The following NPAS2 variants were observed in gnomAD, a reference collection of about 807,000 sequenced individuals.
The protein encoded by NPAS2 is neuronal PAS domain-containing protein 2.
In NPAS2, 23 loss-of-function variants were observed where a neutral mutation model predicts 107.5. The observed-to-expected ratio is 0.21, with a 90% CI of 0.15 to 0.30. The LOEUF is 0.30. Ranked by LOEUF, NPAS2 falls within the 10% of genes least tolerant of loss-of-function variation. NPAS2 has a pLI of 1.00. For missense variants in NPAS2, 756 were observed against 1,043.3 expected (o/e 0.72, Z 3.79); for synonymous variants, 403 against 417.5 (o/e 0.97, Z 0.42).
intron 12 of NPAS2, among the ~76,000 whole-genome samples, chr2:100,973,440 A>C (rs1026009426): frequency 1.3e-5 from 2 of 152,212 alleles, no homozygotes; most frequent in African/African-American, 4.8e-5. Flanking sequence ...CATAATTCAC[A>C]AACAGCCGTG....
intron 1 of NPAS2, among the ~76,000 whole-genome samples, chr2:100,895,361 T>A (rs913016406): frequency 6.6e-6 from 1 of 152,220 alleles, no homozygotes; most frequent in African/African-American, 2.4e-5. Flanking sequence ...GCTCTTCTGT[T>A]CTCTCACTTT....
At chr2:100,892,650 G>A (rs1443862879) in intron 1 of NPAS2, among the ~76,000 whole-genome samples, 2 of 152,170 alleles carry the variant, frequency 1.3e-5, no homozygotes, top group Non-Finnish European at 2.9e-5. Context: ...AGTTGGAGGG[G>A]AATTGGGATT....
At chr2:100,943,107 C>T (rs1052180613) in intron 5 of NPAS2, among the ~76,000 whole-genome samples, 4 of 151,872 alleles carry the variant, frequency 2.6e-5, no homozygotes, top group Non-Finnish European at 5.9e-5. Context: ...GTTCTGCCTC[C>T]ACCTTTACTA....
At chr2:100,959,781 A>G (rs1412088502) in intron 7 of NPAS2, among the ~76,000 whole-genome samples, 1 of 152,184 alleles carries the variant, frequency 6.6e-6, no homozygotes, top group African/African-American at 2.4e-5. Flanking sequence ...GTGGACTATT[A>G]GTATGTTTTC....
intron 1 of NPAS2, among the ~76,000 whole-genome samples, chr2:100,833,172 C>T (rs184549044): frequency 1.5e-3 from 230 of 152,232 alleles, no homozygotes; most frequent in South Asian, 4.6e-3. Flanking sequence ...AATGGTGTAA[C>T]GAGGACAGCG....
At chr2:100,941,737 A>G (rs753557696) in intron 5 of NPAS2, among the ~76,000 whole-genome samples, 2 of 152,160 alleles carry the variant, frequency 1.3e-5, no homozygotes, top group African/African-American at 2.4e-5. Flanking sequence ...TCCAAGGGGC[A>G]TGAGTCACGT....
intron 1 of NPAS2, among the ~76,000 whole-genome samples, chr2:100,880,081 G>A (rs551373583): frequency 1.3e-4 from 20 of 152,362 alleles, no homozygotes; most frequent in Non-Finnish European, 2.8e-4. Flanking sequence ...TCCCTCGGAT[G>A]GCTTTAATTT....
At chr2:100,962,854 G>C (rs1349885744) in intron 7 of NPAS2, 3 of 152,246 alleles carry the variant, frequency 2.0e-5, no homozygotes, top group Admixed American at 2.0e-4. Context: ...GCATCATGAT[G>C]TGGGCCCATG....
intron 3 of NPAS2, among the ~76,000 whole-genome samples, chr2:100,932,338 A>T (rs1684010980): frequency 6.6e-6 from 1 of 152,246 alleles, no homozygotes. Flanking sequence ...TAAACTATAG[A>T]TTAACCCCAA....
At chr2:100,852,762 G>A (rs1164013427) in intron 1 of NPAS2, among the ~76,000 whole-genome samples, 1 of 152,164 alleles carries the variant, frequency 6.6e-6, no homozygotes, top group Non-Finnish European at 1.5e-5. Flanking sequence ...AGCTACAGGA[G>A]AAAAATGAGC....
chr2:100,875,437 TAAAA>T lies in NPAS2; in HGVS notation c.-22-29295_-22-29292del, dbSNP rs1679894424. On this transcript the variant is annotated intron_variant, in intron 1 of 20. Transcript: ENST00000335681. ...TGTATTTTACCACAATTTTTAAAAA[TAAAA>T]TTTTTAAAAATTAAAAGCTTACACA... Among the ~76,000 whole-genome samples, 3 of 148,666 alleles carry T rather than the reference TAAAA, an allele frequency of 2.0e-5. No individual in the cohort carries two copies. The Admixed American group carries it at 2.0e-4, about 10-fold the overall frequency.
intron 18 of NPAS2, among the ~76,000 whole-genome samples, 166 bp from the exon 19 acceptor site, chr2:100,990,614 G>A (rs1678054619): frequency 3.3e-5 from 5 of 152,226 alleles, no homozygotes. Context: ...CTGAGGTCCA[G>A]GGGAGGTTAC....
At chr2:100,926,185 G>A (rs372928724) in intron 3 of NPAS2, among the ~76,000 whole-genome samples, 9 of 152,074 alleles carry the variant, frequency 5.9e-5, no homozygotes, top group East Asian at 1.9e-4. Flanking sequence ...ATCAGTTGAT[G>A]GATATTTGGG....
intron 19 of NPAS2, among the ~76,000 whole-genome samples, chr2:100,992,827 T>A (rs1210819431): frequency 1.3e-5 from 2 of 152,166 alleles, no homozygotes; most frequent in East Asian, 3.8e-4. Context: ...CTGTTATCGG[T>A]CTCTTATTAG....
chr2:100,908,086 A>G (rs111447158), intron 2 of NPAS2, among the ~76,000 whole-genome samples: 3,758 of 152,216 alleles, frequency 0.025, 95 homozygotes, highest in African/African-American at 0.062. Flanking sequence ...GTGGGGTAGC[A>G]GGAAGTGCGC....
At chr2:100,917,441 T>C (rs1004271151) in intron 2 of NPAS2, among the ~76,000 whole-genome samples, 3 of 152,158 alleles carry the variant, frequency 2.0e-5, no homozygotes, top group Admixed American at 6.5e-5. Flanking sequence ...AGCAGGAGAA[T>C]CACTTGAACC....
intron 1 of NPAS2, among the ~76,000 whole-genome samples, chr2:100,877,445 C>CAAAAAAA (rs72050213): frequency 2.0e-4 from 16 of 81,448 alleles, no homozygotes; most frequent in African/African-American, 2.4e-4. Flanking sequence ...GACTCCGTCT[C>CAAAAAAA]AAAAAAAAAA....
rs1174248438 is a variant in NPAS2 at position 100,948,252 on chromosome 2, G to C, written c.381G>C (p.Gln127His). The C allele has an allele frequency of 1.2e-6, 2 of 1,613,000 alleles. No homozygotes were observed. The highest frequency in any genetic ancestry group is 8.5e-7 in the Non-Finnish European group (1 of 1,179,774). Residue 127 changes from glutamine (Q) to histidine (H), a missense_variant, in exon 6 of 21, where the codon CAG becomes CAC. This residue lies in a region of NPAS2 where 146 missense variants were observed against 249.6 expected (regional missense o/e 0.58). Coordinates refer to ENST00000335681, the MANE Select transcript of NPAS2 (RefSeq NM_002518.4). ...TTTTTCAGTCGGATGTCATGGATCA[G>C]AATTTGTTAAATTTCCTCCCAGAAC... ...LGHLPSDVMD[Q>H]NLLNFLPEQE... is the part of the protein sequence containing the mutation.
intron 2 of NPAS2, among the ~76,000 whole-genome samples, chr2:100,909,275 A>G (rs981761174): frequency 6.6e-6 from 1 of 152,240 alleles, no homozygotes; most frequent in Admixed American, 6.5e-5. Context: ...ATTCATGAAA[A>G]TAAGCATAAA....
Sources: gnomAD v4.1 joint callset for allele counts (sites outside exome capture counted in the v4.1 genomes callset) on GRCh38, gnomAD v4.1.1 for gene constraint, gnomAD v4.1.1 regional missense constraint, MANE v1.5 for transcripts, NCBI Gene and HGNC (gene_info 2026-07-23, HGNC 2026-07-21) for gene names.